DPP10: variants seen among roughly 807,000 people sequenced by gnomAD.
DPP10 encodes inactive dipeptidyl peptidase 10.
A neutral mutation model predicts 120.9 loss-of-function variants in DPP10; 33 were observed. That is an observed-to-expected ratio of 0.27 (90% CI 0.21 to 0.37). The LOEUF (loss-of-function observed/expected upper bound fraction) is 0.37. DPP10 is among the 10% of genes least tolerant of loss of function. The pLI is 1.00. For missense variants in DPP10, 816 were observed against 942.8 expected (o/e 0.87, Z 1.76); for synonymous variants, 337 against 326.1 (o/e 1.03, Z -0.36).
chr2:115,047,707 A>G (rs1050031896), intron 1 of DPP10, among the ~76,000 whole-genome samples: 1 of 152,148 alleles, frequency 6.6e-6, no homozygotes, highest in East Asian at 1.9e-4. Context: ...AATAAATACT[A>G]TGCTTAATGA....
intron 1 of DPP10, among the ~76,000 whole-genome samples, chr2:114,478,277 A>G (rs1019906490): frequency 3.3e-5 from 5 of 152,240 alleles, no homozygotes; most frequent in East Asian, 1.9e-4. Context: ...TCAAAAATCA[A>G]TGCAATTCCT....
At chr2:115,105,964 AT>A (rs1251701501) in intron 1 of DPP10, among the ~76,000 whole-genome samples, 1 of 152,152 alleles carries the variant, frequency 6.6e-6, no homozygotes, top group Non-Finnish European at 1.5e-5. Flanking sequence ...TCTAATTTTT[AT>A]TTTTTAATGT....
At chr2:115,099,116 C>T (rs1007960069) in intron 1 of DPP10, among the ~76,000 whole-genome samples, 5 of 144,126 alleles carry the variant, frequency 3.5e-5, no homozygotes, top group African/African-American at 1.3e-4. Context: ...AAAACCCCAT[C>T]TCTGCTAAAA....
At chr2:115,238,003 T>C (rs1005640858) in intron 1 of DPP10, among the ~76,000 whole-genome samples, 1 of 152,126 alleles carries the variant, frequency 6.6e-6, no homozygotes, top group Non-Finnish European at 1.5e-5. Flanking sequence ...ATTGCTGAAG[T>C]TGGCCACACT....
At position 115,398,622 on chromosome 2, in the gene DPP10, A is replaced by G. The variant is rs150875901; in HGVS notation, c.271+54710A>G. 5.6e-3 allele frequency among the ~76,000 whole-genome samples: 848 copies of G among 152,110 alleles called. 7 individuals carry two copies. The highest frequency in any genetic ancestry group is 0.016 in the African/African-American group (678 of 41,498). On this transcript the variant is annotated intron_variant, in intron 3 of 25. Coordinates refer to ENST00000410059, the MANE Select transcript of DPP10 (RefSeq NM_020868.6). ...TTTTTTGCATCATTAAAAGTTCTCA[A>G]TAGTCTATGGTGTCCTAGAACATAT... is the stretch of plus-strand genomic sequence containing the variant.
intron 1 of DPP10, among the ~76,000 whole-genome samples, chr2:114,882,696 T>C (rs570386178): frequency 2.6e-5 from 4 of 152,092 alleles, no homozygotes; most frequent in Admixed American, 2.0e-4. Context: ...AAAATATGAA[T>C]GCAGGCAGAG....
intron 1 of DPP10, among the ~76,000 whole-genome samples, chr2:114,629,824 A>G (rs1390464574): frequency 6.6e-6 from 1 of 152,198 alleles, no homozygotes. Context: ...ACAAATGTTC[A>G]TAGTAACTTT....
chr2:115,749,951 G>A (rs1181315587), intron 10 of DPP10: 3 of 980,508 alleles, frequency 3.1e-6, no homozygotes, highest in Non-Finnish European at 3.6e-6. Context: ...CTGTTGACTT[G>A]AGTGCAATCC....
At chr2:115,506,705 G>C (rs974380033) in intron 4 of DPP10, among the ~76,000 whole-genome samples, 1 of 151,926 alleles carries the variant, frequency 6.6e-6, no homozygotes, top group Non-Finnish European at 1.5e-5. Flanking sequence ...AGATAGAATA[G>C]ATATCTATGT....
At chr2:114,664,786 A>G (rs111817605) in intron 1 of DPP10, among the ~76,000 whole-genome samples, 28 of 151,278 alleles carry the variant, frequency 1.9e-4, no homozygotes, top group South Asian at 1.0e-3. Flanking sequence ...CATCCAAAAG[A>G]TGGCAGAGAG....
At chr2:115,041,964 G>A (rs1051903095) in intron 1 of DPP10, among the ~76,000 whole-genome samples, 13 of 145,452 alleles carry the variant, frequency 8.9e-5, no homozygotes, top group Admixed American at 4.8e-4. Flanking sequence ...TCATTAAGAT[G>A]CTTCTACTTC....
chr2:115,083,403 C>A (rs949095060), intron 1 of DPP10, among the ~76,000 whole-genome samples: 1 of 152,180 alleles, frequency 6.6e-6, no homozygotes, highest in African/African-American at 2.4e-5. Flanking sequence ...TATGTAACTG[C>A]GTTCTTCTCT....
chr2:114,636,360 T>C (rs1695302520), intron 1 of DPP10, among the ~76,000 whole-genome samples: 1 of 151,970 alleles, frequency 6.6e-6, no homozygotes, highest in Admixed American at 6.5e-5. Context: ...ACATTGGCAT[T>C]TTCTCCTGCC....
At chr2:115,124,620 A>G (rs1479106839) in intron 1 of DPP10, among the ~76,000 whole-genome samples, 3 of 152,240 alleles carry the variant, frequency 2.0e-5, no homozygotes, top group East Asian at 1.9e-4. Flanking sequence ...AGACAAGATC[A>G]AATCCCATGT....
chr2:115,469,067 AGG>A, intron 3 of DPP10: 2 of 180,040 alleles, frequency 1.1e-5, no homozygotes, highest in Non-Finnish European at 2.3e-5. Flanking sequence ...CTGGGATTAC[AGG>A]CGTGCACCAC....
chr2:115,530,691 T>A (rs916909083), intron 5 of DPP10, among the ~76,000 whole-genome samples: 43 of 151,262 alleles, frequency 2.8e-4, no homozygotes, highest in African/African-American at 9.2e-4. Flanking sequence ...AAAAAAAAAA[T>A]TAAATAAAGA....
At chr2:115,786,568 C>A (rs889063811) in intron 17 of DPP10, among the ~76,000 whole-genome samples, 2 of 152,032 alleles carry the variant, frequency 1.3e-5, no homozygotes, top group African/African-American at 4.8e-5. Context: ...TGTTTCCAGA[C>A]ATTCAACAAT....
chr2:115,708,547 G>C (rs560580074), intron 7 of DPP10, among the ~76,000 whole-genome samples: 1 of 152,034 alleles, frequency 6.6e-6, no homozygotes, highest in East Asian at 1.9e-4. Flanking sequence ...CAAGTTGGCT[G>C]TTCATTTAAG....
intron 1 of DPP10, among the ~76,000 whole-genome samples, chr2:114,715,322 A>C (rs906513392): frequency 2.0e-5 from 3 of 152,196 alleles, no homozygotes; most frequent in African/African-American, 7.2e-5. Context: ...ATAGTCTTTT[A>C]ATGGCCAGGT....
Sources: gnomAD v4.1 joint callset for allele counts (sites outside exome capture counted in the v4.1 genomes callset) on GRCh38, gnomAD v4.1.1 for gene constraint, MANE v1.5 for transcripts, NCBI Gene and HGNC (gene_info 2026-07-23, HGNC 2026-07-21) for gene names.